The following SHE variants were observed in gnomAD, a reference collection of about 807,000 sequenced individuals.
The protein encoded by SHE is SH2 domain-containing adapter protein E.
SHE carries 11 observed loss-of-function variants against 49.8 expected under a neutral mutation model. The ratio of observed to expected loss-of-function variants is 0.22; its 90% CI spans 0.14 to 0.37. The LOEUF is 0.37. Ranked by LOEUF, SHE falls within the 10% of genes least tolerant of loss-of-function variation. SHE has a pLI of 1.00. For missense variants in SHE, 624 were observed against 655.5 expected, an observed-to-expected ratio of 0.95 and a Z score of 0.52; for synonymous variants, 310 against 278.1, an observed-to-expected ratio of 1.11 and a Z score of -1.14.
In SHE at chr1:154,481,834, AC is replaced by A; in HGVS notation, c.*2314del. On this transcript the variant is annotated 3_prime_UTR_variant, in exon 6 of 6. Coordinates refer to ENST00000304760, the MANE Select transcript of SHE (RefSeq NM_001010846.3). ...AACATTCTATCAGTATCTGAAAAAA[AC>A]ATTCCTTTTGGTTTTTTGTTTGCTT... is the stretch of plus-strand genomic sequence containing the variant. 1.0e-6 allele frequency: 1 copy of A among 972,276 alleles called. No homozygotes were observed. The highest frequency in any genetic ancestry group is 1.2e-6 in the Non-Finnish European group (1 of 817,930). 60.2% of individuals were successfully genotyped at this position (972,276 alleles called of 1,614,324 possible).
At chr1:154,487,136 G>A (rs1213991266) in intron 3 of SHE, among the ~76,000 whole-genome samples, 2 of 151,990 alleles carry the variant, frequency 1.3e-5, no homozygotes, top group African/African-American at 4.8e-5. Flanking sequence ...GCTGGGCGTC[G>A]TGGCTCGTGC....
rs149083204 is a variant in SHE, at chr1:154,483,259, A to G, written c.*890T>C. 1.1e-3 allele frequency: 1,068 copies of G among 985,448 alleles called. 37 individuals carry two copies. In the Admixed American group the frequency reaches 0.058, roughly 53 times the overall value. 61.0% of individuals were successfully genotyped at this position (985,448 alleles called of 1,614,324 possible). ...ATTGAGAGAACACACACTTTCTTGGAAAGGCTGACCAACAAAATAATCCTT... is the reference window on the plus strand; with the variant it reads ...ATTGAGAGAACACACACTTTCTTGGGAAGGCTGACCAACAAAATAATCCTT... On this transcript the variant is annotated 3_prime_UTR_variant, in exon 6 of 6. Transcript: ENST00000304760.
At chr1:154,470,274 G>A in exon 2 of SHE, 1 of 1,280,414 alleles carries the variant, frequency 7.8e-7, no homozygotes, top group Non-Finnish European at 1.0e-6. Context: ...CGTGGAGGGA[G>A]CTGCCTCCCT....
Position 154,482,995 on chromosome 1 carries a change from CAA to C in SHE, c.*1152_*1153del. 7.1e-6 allele frequency: 7 copies of C among 984,686 alleles called. No homozygotes were observed. Among genetic ancestry groups the C allele is most frequent in the Non-Finnish European group, 8.4e-6 (7 of 829,348 alleles). 61.0% of individuals were successfully genotyped at this position (984,686 alleles called of 1,614,324 possible). ...ACTAAAATGCCCAATGATGATGAAA[CAA>C]AAGACATCGAAGTTCTATGTAATTA... On this transcript the variant is annotated 3_prime_UTR_variant, in exon 6 of 6. Transcript: ENST00000304760.
chr1:154,481,899 G>C lies in SHE; in HGVS notation c.*2250C>G. ...GGGTCTCACTCTGTCACTCAGGCTG[G>C]AGTGCAATGGTGCGATCATGGCTCG... is the stretch of plus-strand genomic sequence containing the variant. On this transcript the variant is annotated 3_prime_UTR_variant, in exon 6 of 6. Transcript: ENST00000304760. 2 of 667,976 alleles carry C rather than the reference G, an allele frequency of 3.0e-6. No homozygotes were observed. Among genetic ancestry groups the C allele is most frequent in the African/African-American group, 2.0e-5 (1 of 51,114 alleles). 41.4% of individuals were successfully genotyped at this position (667,976 alleles called of 1,614,324 possible).
In SHE at chr1:154,499,190, T is replaced by G; in HGVS notation, c.640A>C (p.Lys214Gln). The change falls in exon 2 of 6, where the codon AAG (lysine) becomes CAG (glutamine). Residue 214 changes from lysine (K) to glutamine (Q), a missense_variant. This residue lies in a region of SHE where 337 missense variants were observed against 306.0 expected (regional missense o/e 1.10). Coordinates refer to ENST00000304760, the MANE Select transcript of SHE (RefSeq NM_001010846.3). ...ACTCTCTCTGCATCCCTTTGACCCT[T>G]TGTCCGTTTGGCATCATAAGGGTCA... is the stretch of plus-strand genomic sequence containing the variant. ...YADPYDAKRT[K>Q]GQRDAERVGE... 6.2e-7 allele frequency: 1 copy of G among 1,614,178 alleles called. No individual in the cohort carries two copies.
intron 1 of SHE, among the ~76,000 whole-genome samples, chr1:154,501,073 A>C (rs193045603): frequency 3.3e-4 from 51 of 152,352 alleles, no homozygotes; most frequent in Admixed American, 2.4e-3. Flanking sequence ...GAAGCATAAA[A>C]GTCATACACA....
chr1:154,479,675 A>G lies in SHE; in HGVS notation c.*4474T>C, dbSNP rs1691968590. ...ACATTTTTAAAAGTTGAAACTATGT[A>G]TTAGTTGATATCTAAAATATTAAAG... On this transcript the variant is annotated 3_prime_UTR_variant, in exon 6 of 6. Transcript: ENST00000304760. 10 of 978,676 alleles carry G rather than the reference A, an allele frequency of 1.0e-5. No homozygotes were observed. Among genetic ancestry groups the G allele is most frequent in the Non-Finnish European group, 1.2e-5 (10 of 823,764 alleles). The allele number at this position is 978,676 out of a possible 1,614,324, so 60.6% of individuals were successfully genotyped here.
chr1:154,498,978 T>C (rs925922271), intron 2 of SHE, 134 bp downstream of exon 2: 2 of 1,162,342 alleles, frequency 1.7e-6, no homozygotes, highest in African/African-American at 1.5e-5. Flanking sequence ...TGGGGTCTAA[T>C]TTCTGTTTCT....
At chr1:154,490,796 T>G (rs1258842884) in intron 2 of SHE, among the ~76,000 whole-genome samples, 7 of 145,496 alleles carry the variant, frequency 4.8e-5, no homozygotes, top group Non-Finnish European at 1.0e-4. Flanking sequence ...ATTATAAGGT[T>G]TTTTTTTTTT....
At chr1:154,495,801 G>A (rs145194324) in intron 2 of SHE, among the ~76,000 whole-genome samples, 3 of 151,846 alleles carry the variant, frequency 2.0e-5, no homozygotes, top group Admixed American at 6.5e-5. Context: ...TATTCTACAC[G>A]CCCAAGATAT....
intron 2 of SHE, among the ~76,000 whole-genome samples, chr1:154,494,381 T>TTG (rs1418355670): frequency 1.3e-5 from 2 of 149,698 alleles, no homozygotes; most frequent in Non-Finnish European, 3.0e-5. Flanking sequence ...ACAGTTTTTT[T>TTG]TTTTTTTTTT....
chr1:154,473,253 G>T (rs1691792821), intron 1 of SHE, among the ~76,000 whole-genome samples: 3 of 151,876 alleles, frequency 2.0e-5, no homozygotes, highest in African/African-American at 7.2e-5. Context: ...GCCTGTCTCA[G>T]CCTCCCAAAG....
intron 1 of SHE, among the ~76,000 whole-genome samples, chr1:154,471,336 A>G (rs181819243): frequency 6.6e-6 from 1 of 152,170 alleles, no homozygotes; most frequent in Non-Finnish European, 1.5e-5. Context: ...CCTGGTGCAC[A>G]TAGCATGACC....
At chr1:154,470,353 A>G (rs1352356583) in exon 2 of SHE, 1 of 1,289,236 alleles carries the variant, frequency 7.8e-7, no homozygotes, top group Admixed American at 2.3e-5. Flanking sequence ...AGGAGAGCAG[A>G]TGGTGATTTC....
rs1691974398 is a variant in SHE, at chr1:154,479,922, T to C, written c.*4227A>G. 2 of 985,334 alleles carry C rather than the reference T, an allele frequency of 2.0e-6. No homozygotes were observed. Among genetic ancestry groups the C allele is most frequent in the South Asian group, 9.4e-5 (2 of 21,294 alleles). The allele number at this position is 985,334 out of a possible 1,614,324, so 61.0% of individuals were successfully genotyped here. On this transcript the variant is annotated 3_prime_UTR_variant, in exon 6 of 6. Coordinates refer to ENST00000304760, the MANE Select transcript of SHE (RefSeq NM_001010846.3). The stretch of plus-strand genomic sequence containing the variant: ...CAACTGCTGTGTCATCATTTTCCCT[T>C]TTCTGGACTGTATCAGAAATCCTTC...
chr1:154,474,526 TAGAC>T (rs1335362935), downstream of SHE, among the ~76,000 whole-genome samples: 1 of 152,122 alleles, frequency 6.6e-6, no homozygotes, highest in African/African-American at 2.4e-5. Flanking sequence ...TATTATTTTT[TAGAC>T]AGAGTCTTGC....
intron 1 of SHE, chr1:154,470,457 T>C (rs1198101143): frequency 1.8e-6 from 2 of 1,131,526 alleles, no homozygotes; most frequent in East Asian, 5.8e-5. Flanking sequence ...CAAACCTTTC[T>C]GAATATCTGT....
At position 154,502,137 on chromosome 1, in the gene SHE, G is replaced by A. The variant is rs964253459; in HGVS notation, c.-111C>T. The stretch of plus-strand genomic sequence containing the variant: ...GCAGGGTGGGGTTCTCACGGCTCGG[G>A]GCGCCGAGCGGGCGGGCGCTAGCCT... On this transcript the variant is annotated 5_prime_UTR_variant, in exon 1 of 6. Transcript: ENST00000304760. 20 of 878,246 alleles carry A rather than the reference G, an allele frequency of 2.3e-5. No homozygotes were observed. The Admixed American group carries it at 2.3e-4, about 10-fold the overall frequency. The allele number at this position is 878,246 out of a possible 1,614,324, so 54.4% of individuals were successfully genotyped here. A position where few individuals can be genotyped will look rare whatever the true frequency, so the allele number is the denominator to read the frequency against.
Sources: allele counts gnomAD v4.1 joint callset (sites outside exome capture counted in the v4.1 genomes callset), GRCh38; gene constraint gnomAD v4.1.1; regional missense constraint gnomAD v4.1.1; transcripts MANE v1.5; gene names NCBI Gene and HGNC (gene_info 2026-07-23, HGNC 2026-07-21).